Variants in ASIC2 observed in about 807,000 individuals in gnomAD.
The protein encoded by ASIC2 is acid-sensing ion channel 2.
Under a neutral mutation model 57.3 loss-of-function variants are expected in ASIC2, and 25 were observed. The ratio of observed to expected loss-of-function variants is 0.44; its 90% CI spans 0.32 to 0.61. The LOEUF (loss-of-function observed/expected upper bound fraction) is 0.61. ASIC2 is among the 20% of genes least tolerant of loss of function. The pLI is 0.06. For synonymous variants in ASIC2, 319 were observed against 307.5 expected (o/e 1.04, Z -0.39); for missense variants, 641 against 738.1 (o/e 0.87, Z 1.52).
At chr17:33,317,864 T>C (rs1381900580) in intron 1 of ASIC2, among the ~76,000 whole-genome samples, 2 of 150,620 alleles carry the variant, frequency 1.3e-5, no homozygotes, top group South Asian at 2.1e-4. Flanking sequence ...TTTTGTGAAA[T>C]GGATTTGGAC....
chr17:33,069,657 C>G (rs1335742533), intron 3 of ASIC2, among the ~76,000 whole-genome samples: 1 of 152,074 alleles, frequency 6.6e-6, no homozygotes, highest in Non-Finnish European at 1.5e-5. Context: ...ATAGCCATTT[C>G]AACTTTGTTT....
intron 1 of ASIC2, among the ~76,000 whole-genome samples, chr17:33,409,224 T>C (rs771879571): frequency 2.0e-5 from 3 of 152,054 alleles, no homozygotes; most frequent in African/African-American, 2.4e-5. Flanking sequence ...AAAAAATAAT[T>C]TTTTTAAAAA....
chr17:33,424,786 T>C (rs1032596387), intron 1 of ASIC2, among the ~76,000 whole-genome samples: 17 of 152,152 alleles, frequency 1.1e-4, no homozygotes, highest in Non-Finnish European at 1.6e-4. Flanking sequence ...TTCCTGCACT[T>C]CACCTTCTAC....
At chr17:33,246,122 C>T (rs997970387) in intron 1 of ASIC2, among the ~76,000 whole-genome samples, 3 of 151,792 alleles carry the variant, frequency 2.0e-5, no homozygotes, top group East Asian at 3.9e-4. Context: ...GGTGTACCAT[C>T]CAGGCAAGAA....
At chr17:33,440,962 TTTTTC>T (rs761523811) in intron 1 of ASIC2, among the ~76,000 whole-genome samples, 5 of 152,152 alleles carry the variant, frequency 3.3e-5, no homozygotes, top group Non-Finnish European at 7.3e-5. Flanking sequence ...CCTTTCTTTC[TTTTTC>T]TTTTCTTTTC....
At chr17:33,632,425 A>C (rs1449339710) in intron 1 of ASIC2, among the ~76,000 whole-genome samples, 1 of 152,138 alleles carries the variant, frequency 6.6e-6, no homozygotes, top group Non-Finnish European at 1.5e-5. Context: ...TGCATGCCCC[A>C]GCACTCAGGA....
Position 33,417,698 on chromosome 17 carries a change from T to A in ASIC2, c.556-305631A>T, listed in dbSNP as rs189095802. On this transcript the variant is annotated intron_variant, in intron 1 of 9. Coordinates refer to the ASIC2 transcript ENST00000359872. ...ACATCTGCCCATGCCTCTTCCAATG[T>A]TTCCGCCCCTCTGCACATTCCCCTC... Among the ~76,000 whole-genome samples, 5 of 152,244 alleles carry A rather than the reference T, an allele frequency of 3.3e-5. No homozygotes were observed. In the East Asian group the frequency reaches 9.7e-4, roughly 29 times the overall value.
chr17:33,761,829 G>A (rs1010965927), intron 1 of ASIC2, among the ~76,000 whole-genome samples: 19 of 135,762 alleles, frequency 1.4e-4, no homozygotes, highest in Non-Finnish European at 2.1e-4. Context: ...CCTCCCCAGC[G>A]CAAGGGCTTT....
intron 1 of ASIC2, among the ~76,000 whole-genome samples, chr17:33,573,581 T>C (rs1348732993): frequency 6.6e-6 from 1 of 152,156 alleles, no homozygotes; most frequent in Non-Finnish European, 1.5e-5. Flanking sequence ...GTTTTGTTTT[T>C]TCAAGACAGA....
chr17:33,930,976 TG>T (rs1915919108), intron 1 of ASIC2, among the ~76,000 whole-genome samples: 1 of 152,178 alleles, frequency 6.6e-6, no homozygotes, highest in East Asian at 1.9e-4. Context: ...TGGAGTGCAG[TG>T]GCACGATCTC....
chr17:33,519,499 A>G (rs1374180243), intron 1 of ASIC2, among the ~76,000 whole-genome samples: 1 of 152,128 alleles, frequency 6.6e-6, no homozygotes, highest in Non-Finnish European at 1.5e-5. Flanking sequence ...GGGATGCTTT[A>G]TTCAAATCTG....
intron 1 of ASIC2, among the ~76,000 whole-genome samples, chr17:33,493,720 G>A (rs370293858): frequency 1.3e-5 from 2 of 151,986 alleles, no homozygotes; most frequent in South Asian, 2.1e-4. Flanking sequence ...CTGGGAACCC[G>A]CCATCCTTCC....
At chr17:33,066,328 G>C (rs1038026353) in intron 3 of ASIC2, among the ~76,000 whole-genome samples, 1 of 152,152 alleles carries the variant, frequency 6.6e-6, no homozygotes, top group Non-Finnish European at 1.5e-5. Flanking sequence ...AAACTCTGGC[G>C]TGCATGGTGT....
At chr17:33,772,061 CA>C (rs976722308) in intron 1 of ASIC2, among the ~76,000 whole-genome samples, 1 of 152,148 alleles carries the variant, frequency 6.6e-6, no homozygotes, top group Admixed American at 6.5e-5. Flanking sequence ...CCCCTGAGGC[CA>C]ACCAGAGACA....
At chr17:33,650,926 A>G (rs1459325846) in intron 1 of ASIC2, among the ~76,000 whole-genome samples, 3 of 152,210 alleles carry the variant, frequency 2.0e-5, no homozygotes, top group Non-Finnish European at 4.4e-5. Flanking sequence ...GTCAATGCCA[A>G]TGTCCAGGAT....
At chr17:33,362,692 C>T (rs1179881886) in intron 1 of ASIC2, among the ~76,000 whole-genome samples, 1 of 152,234 alleles carries the variant, frequency 6.6e-6, no homozygotes, top group Non-Finnish European at 1.5e-5. Context: ...TCCACTGACC[C>T]TTGTGCCTCT....
chr17:33,996,103 T>G (rs1002336462), intron 1 of ASIC2, among the ~76,000 whole-genome samples: 2 of 152,232 alleles, frequency 1.3e-5, no homozygotes, highest in Admixed American at 6.5e-5. Context: ...TGATTAGTGA[T>G]GTTGAACATT....
intron 2 of ASIC2, among the ~76,000 whole-genome samples, chr17:33,111,215 G>T (rs1050153030): frequency 3.9e-5 from 6 of 152,126 alleles, no homozygotes; most frequent in African/African-American, 1.4e-4. Flanking sequence ...AAATACCCTT[G>T]GTGCTTTCCC....
At chr17:33,872,996 G>C (rs1233476703) in intron 1 of ASIC2, among the ~76,000 whole-genome samples, 2 of 152,124 alleles carry the variant, frequency 1.3e-5, no homozygotes. Flanking sequence ...CAAGAAAAAG[G>C]CAGAGACTTA....
Sources: allele counts gnomAD v4.1 joint callset (sites outside exome capture counted in the v4.1 genomes callset), GRCh38; gene constraint gnomAD v4.1.1; transcripts MANE v1.5; gene names NCBI Gene and HGNC (gene_info 2026-07-23, HGNC 2026-07-21).